The following OXCT1 variants were observed in gnomAD, a reference collection of about 807,000 sequenced individuals.
The protein encoded by OXCT1 is succinyl-CoA:3-ketoacid coenzyme A transferase 1, mitochondrial.
In OXCT1, 27 loss-of-function variants were observed where a neutral mutation model predicts 69.6. The ratio of observed to expected loss-of-function variants is 0.39; its 90% CI spans 0.29 to 0.54. The LOEUF (loss-of-function observed/expected upper bound fraction) is 0.54, where lower values mean the gene tolerates loss of function less well. Ranked by LOEUF, OXCT1 falls within the 20% of genes least tolerant of loss-of-function variation. The probability of loss-of-function intolerance (pLI) is 0.72; values close to 1 mark genes in which losing one functional copy is unlikely to be tolerated. For synonymous variants in OXCT1, 202 were observed against 217.8 expected, an observed-to-expected ratio of 0.93 and a Z score of 0.64; for missense variants, 437 against 650.2, an observed-to-expected ratio of 0.67 and a Z score of 3.57.
At chr5:41,841,171 G>A (rs1748610374) in intron 6 of OXCT1, among the ~76,000 whole-genome samples, 1 of 152,084 alleles carries the variant, frequency 6.6e-6, no homozygotes, top group South Asian at 2.1e-4. Flanking sequence ...TTCCCCTAAT[G>A]GTAAAAATTA....
At chr5:41,749,221 CATAT>C (rs540099919) in intron 15 of OXCT1, among the ~76,000 whole-genome samples, 1 of 152,154 alleles carries the variant, frequency 6.6e-6, no homozygotes, top group South Asian at 2.1e-4. Context: ...CATAACTTTG[CATAT>C]ATCACCATCC....
At chr5:41,770,752 A>G (rs1375134340) in intron 13 of OXCT1, among the ~76,000 whole-genome samples, 1 of 152,230 alleles carries the variant, frequency 6.6e-6, no homozygotes, top group East Asian at 1.9e-4. Context: ...CCATTTTTAT[A>G]AATTCCACTA....
intron 7 of OXCT1, among the ~76,000 whole-genome samples, chr5:41,818,692 A>G (rs1163171722): frequency 2.6e-5 from 4 of 152,200 alleles, no homozygotes; most frequent in Non-Finnish European, 4.4e-5. Flanking sequence ...AAAAGGCCAG[A>G]TATTTGCATA....
At chr5:41,809,962 C>T (rs1338258225) in intron 7 of OXCT1, among the ~76,000 whole-genome samples, 3 of 151,864 alleles carry the variant, frequency 2.0e-5, no homozygotes, top group African/African-American at 7.3e-5. Flanking sequence ...GTATTGAAAA[C>T]GTCTATACAA....
At chr5:41,826,164 G>A (rs577924469) in intron 7 of OXCT1, among the ~76,000 whole-genome samples, 5 of 152,232 alleles carry the variant, frequency 3.3e-5, no homozygotes, top group South Asian at 2.1e-4. Context: ...GTATCAGCAT[G>A]TTTAAGTTGA....
intron 15 of OXCT1, among the ~76,000 whole-genome samples, chr5:41,740,875 T>C (rs1743128447): frequency 6.6e-6 from 1 of 152,082 alleles, no homozygotes; most frequent in Non-Finnish European, 1.5e-5. Flanking sequence ...TTTCTCAGAC[T>C]AAAATGTTAT....
rs200183355 is a variant in OXCT1, at chr5:41,805,569, T to C, written c.953A>G (p.Tyr318Cys). Reference sequence around the variant, plus strand: ...GGGCTCAGAAGGATAAAGGATACCATACATGCCATCCTCAAACTCAAGAGC... The same window carrying C: ...GGGCTCAGAAGGATAAAGGATACCACACATGCCATCCTCAAACTCAAGAGC... ...RAALEFEDGM[Y>C]ANLGIGIPLL... The change falls in exon 9 of 17, where the codon TAT (tyrosine) becomes TGT (cysteine). Residue 318 changes from tyrosine (Y) to cysteine (C), a missense_variant and splice_region_variant. Tyr to Cys is a radical substitution (Grantham distance 194). Coordinates refer to ENST00000196371, the MANE Select transcript of OXCT1 (RefSeq NM_000436.4). 3 of 1,602,750 alleles carry C rather than the reference T, an allele frequency of 1.9e-6. No individual in the cohort carries two copies. The highest frequency in any genetic ancestry group is 2.6e-6 in the Non-Finnish European group (3 of 1,170,016).
At chr5:41,819,232 A>C (rs1747407316) in intron 7 of OXCT1, among the ~76,000 whole-genome samples, 1 of 152,178 alleles carries the variant, frequency 6.6e-6, no homozygotes, top group African/African-American at 2.4e-5. Context: ...GTATTAAGAT[A>C]ATTTTTTTTT....
chr5:41,739,362 G>C, intron 16 of OXCT1, 28 bp downstream of exon 16: 1 of 1,360,976 alleles, frequency 7.3e-7, no homozygotes, highest in Non-Finnish European at 1.1e-6. Context: ...TAAGACAAGT[G>C]TCTGGATTTG....
chr5:41,766,205 T>C (rs1744590242), intron 13 of OXCT1, among the ~76,000 whole-genome samples: 1 of 152,122 alleles, frequency 6.6e-6, no homozygotes, highest in East Asian at 1.9e-4. Flanking sequence ...CTTTTTGCTG[T>C]TAAGGATTGA....
chr5:41,866,998 T>G (rs1750014527), intron 1 of OXCT1, among the ~76,000 whole-genome samples: 1 of 152,234 alleles, frequency 6.6e-6, no homozygotes, highest in South Asian at 2.1e-4. Flanking sequence ...GAGAGGTTCA[T>G]GAAGATGAGG....
intron 7 of OXCT1, among the ~76,000 whole-genome samples, chr5:41,828,937 C>T (rs1244770360): frequency 3.9e-5 from 6 of 152,082 alleles, no homozygotes; most frequent in African/African-American, 1.4e-4. Context: ...ATATTCTTAG[C>T]TCTCAGACTG....
Position 41,731,633 on chromosome 5 carries a change from C to T in OXCT1, c.*96G>A. 1.3e-6 allele frequency: 2 copies of T among 1,500,118 alleles called. No individual in the cohort carries two copies. The highest frequency in any genetic ancestry group is 2.5e-5 in the East Asian group (1 of 40,668). The allele number at this position is 1,500,118 out of a possible 1,614,324, so 92.9% of individuals were successfully genotyped here. On this transcript the variant is annotated 3_prime_UTR_variant, in exon 17 of 17. Coordinates refer to ENST00000196371, the MANE Select transcript of OXCT1 (RefSeq NM_000436.4). Reference sequence around the variant, plus strand: ...ACACAAGAAAACTAATAAAAAACCACCTGTTAAATACACAATTATGATTAT... The same window carrying T: ...ACACAAGAAAACTAATAAAAAACCATCTGTTAAATACACAATTATGATTAT...
intron 13 of OXCT1, among the ~76,000 whole-genome samples, chr5:41,780,240 C>A (rs377535915): frequency 6.6e-6 from 1 of 151,880 alleles, no homozygotes; most frequent in Non-Finnish European, 1.5e-5. Context: ...TGAAAAGGCA[C>A]GAGAATAACT....
chr5:41,737,907 T>A (rs1209163308), intron 16 of OXCT1, among the ~76,000 whole-genome samples: 1 of 151,998 alleles, frequency 6.6e-6, no homozygotes, highest in Non-Finnish European at 1.5e-5. Flanking sequence ...TACAAAAAAT[T>A]AGCCGGGCGT....
chr5:41,738,674 T>A lies in OXCT1; in HGVS notation c.1521+716A>T, dbSNP rs186701343. Among the ~76,000 whole-genome samples, 59 of 152,354 alleles carry A rather than the reference T, an allele frequency of 3.9e-4. No individual in the cohort carries two copies. In the Middle Eastern group the frequency reaches 0.01, roughly 26 times the overall value. ...AGAGACATTTTAGTTTTACTTTTGG[T>A]TAACTTCAAATAGACTGAGCCATGC... On this transcript the variant is annotated intron_variant, in intron 16 of 16. Transcript: ENST00000196371.
At chr5:41,781,435 G>C (rs1745395164) in intron 13 of OXCT1, among the ~76,000 whole-genome samples, 1 of 151,042 alleles carries the variant, frequency 6.6e-6, no homozygotes, top group South Asian at 2.1e-4. Flanking sequence ...CACAGCTGCT[G>C]CTTTTTTTTT....
intron 13 of OXCT1, among the ~76,000 whole-genome samples, chr5:41,780,635 T>A: frequency 6.6e-6 from 1 of 152,278 alleles, no homozygotes. Flanking sequence ...TTTAGTAAAA[T>A]GAATAGGTAT....
Position 41,761,578 on chromosome 5 carries a change from A to G in OXCT1, c.1338+533T>C, listed in dbSNP as rs75723472. On this transcript the variant is annotated intron_variant, in intron 14 of 16. Transcript: ENST00000196371. ...CATGTAACAGGCACTCAAATATTTAATGATTTATCAAAATAAAAGTATAAT... is the reference window on the plus strand; with the variant it reads ...CATGTAACAGGCACTCAAATATTTAGTGATTTATCAAAATAAAAGTATAAT... 2.9e-3 allele frequency among the ~76,000 whole-genome samples: 444 copies of G among 152,242 alleles called. 2 individuals carry two copies. Among genetic ancestry groups the G allele is most frequent in the African/African-American group, 0.01 (425 of 41,558 alleles).
Sources: gnomAD v4.1 joint callset for allele counts (sites outside exome capture counted in the v4.1 genomes callset) on GRCh38, gnomAD v4.1.1 for gene constraint, MANE v1.5 for transcripts, NCBI Gene and HGNC (gene_info 2026-07-23, HGNC 2026-07-21) for gene names.